The following PDZD9 variants were observed in gnomAD, a reference collection of about 807,000 sequenced individuals.
The protein encoded by PDZD9 is PDZ domain containing 9.
Under a neutral mutation model 16.3 loss-of-function variants are expected in PDZD9, and 13 were observed. That is an observed-to-expected ratio of 0.80 (90% CI 0.52 to 1.27). The LOEUF is 1.27. Among genes scored for constraint, PDZD9 ranks in the 50% most tolerant of loss-of-function variants. The probability of loss-of-function intolerance (pLI) is 0.00; values close to 1 mark genes in which losing one functional copy is unlikely to be tolerated. For missense variants in PDZD9, 288 were observed against 310.9 expected (o/e 0.93, Z 0.55); for synonymous variants, 120 against 111.0 (o/e 1.08, Z -0.51).
the PDZD9 span, chr16:21,965,569 C>G: frequency 7.6e-7 from 1 of 1,317,968 alleles, no homozygotes; most frequent in South Asian, 1.7e-5. Context: ...TCTCCCATTT[C>G]AGGTTTGTTT....
the PDZD9 span, among the ~76,000 whole-genome samples, chr16:21,967,728 A>G: frequency 6.6e-6 from 1 of 152,108 alleles, no homozygotes; most frequent in Non-Finnish European, 1.5e-5. Flanking sequence ...TTGTTTTTCA[A>G]GCTGAGTAAT....
chr16:21,973,892 T>C, the PDZD9 span: 2 of 1,612,710 alleles, frequency 1.2e-6, no homozygotes, highest in Non-Finnish European at 1.7e-6. Context: ...TCATTATCTT[T>C]CAGGTTTCTG....
rs143487344 is a variant in PDZD9, at chr16:21,989,737, G to A, written c.212-946C>T. Among the ~76,000 whole-genome samples, 47 of 152,296 alleles carry A rather than the reference G, an allele frequency of 3.1e-4. No homozygotes were observed. In the East Asian group the frequency reaches 8.3e-3, roughly 27 times the overall value. The stretch of plus-strand genomic sequence containing the variant: ...CTAGGTTTCCCTACCTTAGGGCAAC[G>A]CAGGATAAGGAAAGAAACAAGATGG... On this transcript the variant is annotated intron_variant, in intron 2 of 3. Transcript: ENST00000424898.
chr16:21,976,735 T>C, the PDZD9 span: 1 of 152,456 alleles, frequency 6.6e-6, no homozygotes, highest in South Asian at 2.1e-4. Context: ...TAAGTTAAGT[T>C]AGGGACCATC....
the PDZD9 span, among the ~76,000 whole-genome samples, chr16:21,957,961 A>C: frequency 6.6e-6 from 1 of 152,230 alleles, no homozygotes; most frequent in Non-Finnish European, 1.5e-5. Context: ...CCTCCTGATA[A>C]GGATACCAGT....
At chr16:21,977,505 T>C in the PDZD9 span, among the ~76,000 whole-genome samples, 1 of 152,138 alleles carries the variant, frequency 6.6e-6, no homozygotes, top group Non-Finnish European at 1.5e-5. Context: ...TTGTTTTGTT[T>C]TATAAGAAAG....
intron 2 of PDZD9, among the ~76,000 whole-genome samples, chr16:21,989,428 A>C (rs934183970): frequency 3.9e-5 from 6 of 152,202 alleles, no homozygotes; most frequent in Admixed American, 1.3e-4. Context: ...GATTCTAAAA[A>C]TAGATTAGTT....
At chr16:21,982,001 C>T (rs990928543), downstream of PDZD9, among the ~76,000 whole-genome samples, 1 of 151,450 alleles carries the variant, frequency 6.6e-6, no homozygotes, top group Non-Finnish European at 1.5e-5. Flanking sequence ...CCACCACGGC[C>T]GGCTAATTTT....
the PDZD9 span, chr16:21,974,005 C>T: frequency 6.4e-7 from 1 of 1,573,422 alleles, no homozygotes; most frequent in Non-Finnish European, 8.6e-7. Context: ...AAACTTCTTT[C>T]ATGAACAAGT....
chr16:21,989,440 C>T (rs1173214588), intron 2 of PDZD9, among the ~76,000 whole-genome samples: 1 of 152,110 alleles, frequency 6.6e-6, no homozygotes, highest in East Asian at 1.9e-4. Context: ...AGATTAGTTT[C>T]AGATAAAATG....
intron 1 of PDZD9, chr16:21,999,296 T>C (rs1305471913): frequency 2.7e-5 from 6 of 222,542 alleles, no homozygotes; most frequent in Non-Finnish European, 6.0e-5. Context: ...ATGATCCTAC[T>C]GCTGTTGAAA....
chr16:21,974,660 C>T, the PDZD9 span, among the ~76,000 whole-genome samples: 2 of 152,098 alleles, frequency 1.3e-5, no homozygotes, highest in Non-Finnish European at 2.9e-5. Context: ...GCTAGTGGAG[C>T]TTAGACATTC....
the PDZD9 span, chr16:21,965,306 GA>G: frequency 9.2e-7 from 1 of 1,083,568 alleles, no homozygotes; most frequent in Non-Finnish European, 1.4e-6. Context: ...ATGAATGCCA[GA>G]AGATGACCAA....
intron 1 of PDZD9, 76 bp downstream of exon 1, chr16:22,000,941 C>T (rs1368072114): frequency 1.4e-6 from 2 of 1,458,080 alleles, no homozygotes; most frequent in Non-Finnish European, 1.8e-6. Flanking sequence ...TGCACCGTTG[C>T]CATTTTACAG....
At chr16:22,000,057 T>A (rs1899253249) in intron 1 of PDZD9, among the ~76,000 whole-genome samples, 2 of 149,960 alleles carry the variant, frequency 1.3e-5, no homozygotes, top group African/African-American at 2.5e-5. Flanking sequence ...AAAAAAAAAA[T>A]TAGCTGAATG....
the PDZD9 span, among the ~76,000 whole-genome samples, chr16:21,968,144 G>A: frequency 1.3e-5 from 2 of 151,874 alleles, no homozygotes; most frequent in Non-Finnish European, 2.9e-5. Context: ...TGGGATTACA[G>A]GCGTGCACCA....
the PDZD9 span, among the ~76,000 whole-genome samples, chr16:21,967,437 G>T: frequency 6.8e-6 from 1 of 146,878 alleles, no homozygotes; most frequent in Non-Finnish European, 1.5e-5. Flanking sequence ...GAAGTCGTAA[G>T]TTTTTTTTTT....
the PDZD9 span, chr16:21,959,370 C>G: frequency 7.3e-6 from 2 of 274,828 alleles, no homozygotes; most frequent in African/African-American, 2.3e-5. Context: ...GGAGCAGATT[C>G]TATCTCAAGA....
the PDZD9 span, chr16:21,976,369 AAC>A: frequency 1.3e-6 from 1 of 795,394 alleles, no homozygotes; most frequent in Non-Finnish European, 2.0e-6. Context: ...TAAAAAGGGA[AAC>A]ATACCCATAT....
Sources: gnomAD v4.1 joint callset for allele counts (sites outside exome capture counted in the v4.1 genomes callset) on GRCh38, gnomAD v4.1.1 for gene constraint, MANE v1.5 for transcripts, NCBI Gene and HGNC (gene_info 2026-07-23, HGNC 2026-07-21) for gene names.